The following CDC42BPA variants were observed in gnomAD, a reference collection of about 807,000 sequenced individuals.
The protein encoded by CDC42BPA is serine/threonine-protein kinase MRCK alpha.
CDC42BPA carries 80 observed loss-of-function variants against 223.5 expected under a neutral mutation model. The ratio of observed to expected loss-of-function variants is 0.36; its 90% CI spans 0.30 to 0.43. CDC42BPA has a LOEUF of 0.43. Among genes scored for constraint, CDC42BPA ranks in the 20% least tolerant of loss-of-function variants. The pLI, the probability that CDC42BPA is intolerant of heterozygous loss-of-function variation, is 1.00. For synonymous variants in CDC42BPA, 694 were observed against 718.6 expected (o/e 0.97, Z 0.55); for missense variants, 1,743 against 2,099.9 (o/e 0.83, Z 3.32).
At chr1:227,316,594 T>C (rs1487727748) in intron 1 of CDC42BPA, among the ~76,000 whole-genome samples, 1 of 152,212 alleles carries the variant, frequency 6.6e-6, no homozygotes, top group Non-Finnish European at 1.5e-5. Context: ...TATTTTAATA[T>C]CTCCTCCTAT....
At chr1:227,245,489 C>A (rs1680780257) in intron 2 of CDC42BPA, among the ~76,000 whole-genome samples, 1 of 152,100 alleles carries the variant, frequency 6.6e-6, no homozygotes, top group Non-Finnish European at 1.5e-5. Flanking sequence ...CAGGGTTTCA[C>A]CATGTTGGCC....
At chr1:227,203,778 T>C (rs1672207147) in intron 3 of CDC42BPA, among the ~76,000 whole-genome samples, 1 of 152,192 alleles carries the variant, frequency 6.6e-6, no homozygotes, top group Non-Finnish European at 1.5e-5. Flanking sequence ...ATTCAGTCTA[T>C]ATTATTTAAA....
intron 23 of CDC42BPA, among the ~76,000 whole-genome samples, chr1:227,044,672 T>C (rs1471436330): frequency 6.6e-6 from 1 of 152,342 alleles, no homozygotes; most frequent in East Asian, 1.9e-4. Context: ...CTTCCTGCTA[T>C]GGTAGAGAAG....
At chr1:227,169,523 G>A (rs906867233) in intron 5 of CDC42BPA, among the ~76,000 whole-genome samples, 1 of 152,132 alleles carries the variant, frequency 6.6e-6, no homozygotes, top group East Asian at 1.9e-4. Context: ...TCACTCAGGG[G>A]TCATGTGAGC....
chr1:227,195,418 T>C (rs6662378), intron 4 of CDC42BPA, among the ~76,000 whole-genome samples: 103,504 of 151,714 alleles, frequency 0.68, 35,516 homozygotes, highest in South Asian at 0.73. Flanking sequence ...GGTCTTGATC[T>C]CCTGACCTGG....
At chr1:227,042,372 C>G (rs561375837) in intron 23 of CDC42BPA, among the ~76,000 whole-genome samples, 1 of 151,428 alleles carries the variant, frequency 6.6e-6, no homozygotes, top group South Asian at 2.1e-4. Context: ...CTGAGTATGA[C>G]AGCAGGGAAA....
At chr1:227,265,229 C>G (rs1019017675) in intron 1 of CDC42BPA, 3 of 569,848 alleles carry the variant, frequency 5.3e-6, no homozygotes, top group African/African-American at 3.8e-5. Context: ...ATCTAACAAC[C>G]CTGAGGTGTT....
At chr1:227,316,172 G>C (rs752896833) in intron 1 of CDC42BPA, among the ~76,000 whole-genome samples, 7 of 152,140 alleles carry the variant, frequency 4.6e-5, no homozygotes, top group Non-Finnish European at 8.8e-5. Context: ...CGTGCTTATT[G>C]CAACAGTGAA....
chr1:227,115,889 C>G (rs1687708121), intron 12 of CDC42BPA, among the ~76,000 whole-genome samples: 1 of 147,352 alleles, frequency 6.8e-6, no homozygotes. Context: ...AAAAACACGT[C>G]AATCTCACTT....
chr1:227,164,046 C>T (rs1188746701), intron 5 of CDC42BPA, among the ~76,000 whole-genome samples: 1 of 152,064 alleles, frequency 6.6e-6, no homozygotes, highest in Non-Finnish European at 1.5e-5. Context: ...AAAAATATTA[C>T]TGTATTACTC....
At chr1:227,045,080 C>G (rs1357517228) in intron 23 of CDC42BPA, among the ~76,000 whole-genome samples, 1 of 152,184 alleles carries the variant, frequency 6.6e-6, no homozygotes, top group Non-Finnish European at 1.5e-5. Flanking sequence ...CTTAACCGGT[C>G]TGTGTACAAT....
intron 1 of CDC42BPA, among the ~76,000 whole-genome samples, chr1:227,299,152 TG>T (rs1691216509): frequency 6.6e-6 from 1 of 152,246 alleles, no homozygotes; most frequent in African/African-American, 2.4e-5. Context: ...CAGAGAATTT[TG>T]GAAAGAAAAT....
chr1:227,110,226 CTCTT>C (rs149018620), intron 14 of CDC42BPA, among the ~76,000 whole-genome samples: 8,185 of 152,178 alleles, frequency 0.054, 240 homozygotes, highest in Non-Finnish European at 0.072. Flanking sequence ...GGCTATTTCT[CTCTT>C]TAAGTCTGTC....
chr1:227,187,110 T>A (rs1668897702), intron 5 of CDC42BPA, among the ~76,000 whole-genome samples: 1 of 152,222 alleles, frequency 6.6e-6, no homozygotes, highest in Non-Finnish European at 1.5e-5. Context: ...CTAATCTTGT[T>A]ATTTAAGGTT....
chr1:227,124,512 G>C (rs1258440075), intron 11 of CDC42BPA, among the ~76,000 whole-genome samples: 3 of 151,768 alleles, frequency 2.0e-5, no homozygotes, highest in Non-Finnish European at 4.4e-5. Context: ...TTAAAGTTGG[G>C]GCTACTCATC....
At chr1:227,151,782 A>T (rs886722240) in intron 6 of CDC42BPA, among the ~76,000 whole-genome samples, 1 of 147,446 alleles carries the variant, frequency 6.8e-6, no homozygotes, top group African/African-American at 2.5e-5. Context: ...TGTCTATTTA[A>T]GTTCCTTGTC....
At chr1:227,311,301 G>C (rs1040674098) in intron 1 of CDC42BPA, among the ~76,000 whole-genome samples, 1 of 152,176 alleles carries the variant, frequency 6.6e-6, no homozygotes, top group East Asian at 1.9e-4. Flanking sequence ...TGAGGCTGTA[G>C]TGAGCCATGA....
intron 21 of CDC42BPA, among the ~76,000 whole-genome samples, chr1:227,061,333 T>C (rs181763296): frequency 6.6e-6 from 1 of 152,156 alleles, no homozygotes; most frequent in Non-Finnish European, 1.5e-5. Flanking sequence ...ATGTGCAGAG[T>C]ATATGCAGAT....
intron 22 of CDC42BPA, among the ~76,000 whole-genome samples, chr1:227,050,729 C>T (rs914292671): frequency 2.0e-5 from 3 of 152,030 alleles, no homozygotes; most frequent in African/African-American, 7.2e-5. Context: ...ATAAGCACTA[C>T]TATGTATCAT....
Sources: gnomAD v4.1 joint callset for allele counts (sites outside exome capture counted in the v4.1 genomes callset) on GRCh38, gnomAD v4.1.1 for gene constraint, MANE v1.5 for transcripts, NCBI Gene and HGNC (gene_info 2026-07-23, HGNC 2026-07-21) for gene names.